The following DNAJC13 variants were observed in gnomAD, a reference collection of about 807,000 sequenced individuals.
DNAJC13 encodes the protein DnaJ heat shock protein family (Hsp40) member C13, also known as dnaJ homolog subfamily C member 13.
DNAJC13 carries 75 observed loss-of-function variants against 290.5 expected under a neutral mutation model. The ratio of observed to expected loss-of-function variants is 0.26; its 90% CI spans 0.21 to 0.31. DNAJC13 has a LOEUF of 0.31. DNAJC13 is among the 10% of genes least tolerant of loss of function. DNAJC13 has a pLI of 1.00. For synonymous variants in DNAJC13, 862 were observed against 892.0 expected, an observed-to-expected ratio of 0.97 and a Z score of 0.60; for missense variants, 2,260 against 2,674.5, an observed-to-expected ratio of 0.85 and a Z score of 3.42.
At chr3:132,498,703 C>T (rs898794484) in intron 36 of DNAJC13, among the ~76,000 whole-genome samples, 36 of 151,240 alleles carry the variant, frequency 2.4e-4, no homozygotes, top group Non-Finnish European at 3.2e-4. Flanking sequence ...TTTTTTTTTA[C>T]GTTTTATTTT....
chr3:132,463,212 A>C (rs1476334421), intron 16 of DNAJC13, among the ~76,000 whole-genome samples: 1 of 152,258 alleles, frequency 6.6e-6, no homozygotes, highest in Non-Finnish European at 1.5e-5. Flanking sequence ...TCACAGAATT[A>C]GTATGCCCTT....
intron 12 of DNAJC13, 119 bp downstream of exon 12, chr3:132,456,951 T>G: frequency 1.8e-6 from 2 of 1,129,484 alleles, no homozygotes; most frequent in South Asian, 3.3e-5. Flanking sequence ...TAGGGTGATA[T>G]GGTACTTTAT....
rs1225715926 is a variant in DNAJC13 at position 132,447,503 on chromosome 3, C to A, written c.294+33C>A. ...GATTCCATGTTCATAAATAAAATTT[C>A]TTTCTTCTCTTTTTAAAATGAAGTA... On this transcript the variant is annotated intron_variant, in intron 4 of 55. Coordinates refer to ENST00000260818, the MANE Select transcript of DNAJC13 (RefSeq NM_015268.4). 2.0e-6 allele frequency: 3 copies of A among 1,506,782 alleles called. No homozygotes were observed. In the South Asian group the frequency reaches 4.1e-5, roughly 21 times the overall value. The allele number at this position is 1,506,782 out of a possible 1,614,324, so 93.3% of individuals were successfully genotyped here. A position where few individuals can be genotyped will look rare whatever the true frequency, so the allele number is the denominator to read the frequency against.
intron 15 of DNAJC13, among the ~76,000 whole-genome samples, chr3:132,461,406 G>GA (rs922345525): frequency 5.3e-5 from 8 of 151,202 alleles, no homozygotes; most frequent in Non-Finnish European, 1.0e-4. Context: ...TGACCTAAAA[G>GA]AAAAAAAAAT....
intron 32 of DNAJC13, among the ~76,000 whole-genome samples, chr3:132,492,174 G>A (rs534535634): frequency 1.3e-5 from 2 of 152,236 alleles, no homozygotes; most frequent in East Asian, 3.9e-4. Context: ...TAATAGGAAG[G>A]ACTGGGATTA....
At chr3:132,474,725 T>C (rs921654019) in intron 21 of DNAJC13, among the ~76,000 whole-genome samples, 1 of 151,594 alleles carries the variant, frequency 6.6e-6, no homozygotes, top group African/African-American at 2.4e-5. Context: ...AATATCTGTA[T>C]ACCTACCACC....
chr3:132,527,296 T>C (rs1301069555), intron 53 of DNAJC13, among the ~76,000 whole-genome samples: 4 of 152,352 alleles, frequency 2.6e-5, no homozygotes, highest in African/African-American at 4.8e-5. Context: ...TCTCATTACC[T>C]GCCAGATGAC....
intron 2 of DNAJC13, 147 bp from the exon 3 acceptor site, chr3:132,446,328 G>C (rs1933241707): frequency 3.7e-6 from 2 of 544,696 alleles, no homozygotes; most frequent in South Asian, 2.7e-5. Flanking sequence ...TTAAAAAGGT[G>C]AGAATATATA....
intron 33 of DNAJC13, 97 bp downstream of exon 33, chr3:132,492,712 C>G (rs1935101738): frequency 9.7e-7 from 1 of 1,032,308 alleles, no homozygotes; most frequent in Non-Finnish European, 1.5e-6. Flanking sequence ...TGGTTAATAG[C>G]TTTCTTAAGT....
At chr3:132,495,296 C>T in intron 35 of DNAJC13, 130 bp downstream of exon 35, 2 of 639,416 alleles carry the variant, frequency 3.1e-6, no homozygotes, top group Non-Finnish European at 2.6e-6. Flanking sequence ...GTTTAATAAA[C>T]TTCTGGCCAC....
chr3:132,418,867 A>G (rs1938875438), intron 1 of DNAJC13, among the ~76,000 whole-genome samples: 1 of 152,190 alleles, frequency 6.6e-6, no homozygotes, highest in African/African-American at 2.4e-5. Context: ...TTTATAATAT[A>G]TTACCAGTAC....
At chr3:132,452,479 A>G (rs559419406) in intron 6 of DNAJC13, among the ~76,000 whole-genome samples, 10 of 152,182 alleles carry the variant, frequency 6.6e-5, no homozygotes, top group Non-Finnish European at 1.0e-4. Context: ...GAGGAGGACA[A>G]TTCTTTCTTG....
chr3:132,428,196 A>G (rs950114320), intron 1 of DNAJC13, among the ~76,000 whole-genome samples: 9 of 152,166 alleles, frequency 5.9e-5, no homozygotes, highest in African/African-American at 1.9e-4. Context: ...TGAATGATAC[A>G]TAGTTGGTAC....
chr3:132,465,897 G>A (rs764388224), intron 17 of DNAJC13, 98 bp from the exon 18 acceptor site: 35 of 700,180 alleles, frequency 5.0e-5, no homozygotes, highest in Admixed American at 1.1e-4. Context: ...TACTGTAGCC[G>A]TATTTTTTAT....
rs527604040 is a variant in DNAJC13 at position 132,418,092 on chromosome 3, G to T, written c.-14+332G>T. 5.9e-5 allele frequency among the ~76,000 whole-genome samples: 9 copies of T among 152,048 alleles called. No homozygotes were observed. In the East Asian group the frequency reaches 1.7e-3, roughly 29 times the overall value. ...TCATTCCCTTGTGGGTTCCGCCCTC[G>T]GGATTCCCTTCCAGTCTCCTAGTCT... is the stretch of plus-strand genomic sequence containing the variant. On this transcript the variant is annotated intron_variant, in intron 1 of 55. Transcript: ENST00000260818.
Position 132,483,265 on chromosome 3 carries a change from A to G in DNAJC13, c.2980-110A>G, listed in dbSNP as rs530075741. ...AAACTTATTTTTTCTGAAATAGTGT[A>G]CTTACATGTTTGTTTCATAATTTAG... On this transcript the variant is annotated intron_variant, in intron 27 of 55. Transcript: ENST00000260818. 2.0e-3 allele frequency: 2,029 copies of G among 1,014,590 alleles called. 5 individuals carry two copies. Among genetic ancestry groups the G allele is most frequent in the Non-Finnish European group, 2.7e-3 (1,880 of 684,746 alleles). 62.8% of individuals were successfully genotyped at this position (1,014,590 alleles called of 1,614,324 possible).
intron 1 of DNAJC13, among the ~76,000 whole-genome samples, chr3:132,419,488 TAAC>T (rs762473830): frequency 4.6e-5 from 7 of 152,236 alleles, no homozygotes; most frequent in Non-Finnish European, 8.8e-5. Flanking sequence ...AGGTGGACTG[TAAC>T]AATACTGGCT....
intron 43 of DNAJC13, among the ~76,000 whole-genome samples, chr3:132,507,803 G>A (rs1454176643): frequency 6.6e-6 from 1 of 152,114 alleles, no homozygotes; most frequent in Non-Finnish European, 1.5e-5. Context: ...ATTGGAATTA[G>A]GCCAGTTAAT....
At chr3:132,434,691 T>G in intron 2 of DNAJC13, 73 bp downstream of exon 2, 1 of 1,274,868 alleles carries the variant, frequency 7.8e-7, no homozygotes, top group Non-Finnish European at 1.1e-6. Flanking sequence ...TTTCATAATC[T>G]TGAATAATAC....
Sources: allele counts gnomAD v4.1 joint callset (sites outside exome capture counted in the v4.1 genomes callset), GRCh38; gene constraint gnomAD v4.1.1; transcripts MANE v1.5; gene names NCBI Gene and HGNC (gene_info 2026-07-23, HGNC 2026-07-21).